Variants in CHRDL2 observed in about 807,000 individuals in gnomAD.
CHRDL2 encodes the protein chordin like 2, also known as chordin-like protein 2.
CHRDL2 carries 41 observed loss-of-function variants against 54.3 expected under a neutral mutation model. That is an observed-to-expected ratio of 0.76 (90% CI 0.59 to 0.98). The LOEUF is 0.98. Among genes scored for constraint, CHRDL2 ranks in the 50% least tolerant of loss-of-function variants. The pLI, the probability that CHRDL2 is intolerant of heterozygous loss-of-function variation, is 0.00. For synonymous variants in CHRDL2, 220 were observed against 224.3 expected (o/e 0.98, Z 0.17); for missense variants, 518 against 562.4 (o/e 0.92, Z 0.80).
intron 9 of CHRDL2, chr11:74,701,335 A>G: frequency 2.5e-6 from 1 of 400,298 alleles, no homozygotes; most frequent in Non-Finnish European, 4.5e-6. Context: ...AAACTGGCAG[A>G]GTTAGGATTC....
Position 74,706,526 on chromosome 11 carries a change from T to A in CHRDL2, c.543A>T (p.Gln181His). Residue 181 changes from glutamine (Q) to histidine (H), a missense_variant, in exon 6 of 11, where the codon CAA becomes CAT. Physicochemically the swap from Gln to His is conservative, Grantham distance 24. Transcript: ENST00000376332. ...ACTGCACACTGTCCTCTTCATCCGA[T>A]TGCTCACTTGCCTCATCTGAAAACT... ...CQACKDEASE[Q>H]SDEEDSVQSL... is the part of the protein sequence containing the mutation. 1 of 1,614,052 alleles carries A rather than the reference T, an allele frequency of 6.2e-7. No individual in the cohort carries two copies. Among genetic ancestry groups the A allele is most frequent in the Non-Finnish European group, 8.5e-7 (1 of 1,179,944 alleles).
intron 9 of CHRDL2, among the ~76,000 whole-genome samples, chr11:74,700,718 A>G (rs10219414): frequency 0.24 from 35,918 of 150,438 alleles, 4,685 homozygotes; most frequent in East Asian, 0.35. Flanking sequence ...AGCTCACTGC[A>G]ACCTCCTGGG....
At chr11:74,718,191 A>G (rs1383053202) in intron 2 of CHRDL2, among the ~76,000 whole-genome samples, 1 of 152,222 alleles carries the variant, frequency 6.6e-6, no homozygotes, top group Non-Finnish European at 1.5e-5. Flanking sequence ...TTGCCTGGTC[A>G]ACAATGATCA....
chr11:74,725,924 A>G (rs1199779691), intron 1 of CHRDL2, among the ~76,000 whole-genome samples: 1 of 152,088 alleles, frequency 6.6e-6, no homozygotes, highest in Non-Finnish European at 1.5e-5. Context: ...CACACAAACA[A>G]ACTTGCTCCC....
chr11:74,704,970 C>T (rs752197503), intron 6 of CHRDL2, among the ~76,000 whole-genome samples: 1 of 152,114 alleles, frequency 6.6e-6, no homozygotes, highest in Non-Finnish European at 1.5e-5. Context: ...ATCTGACAGA[C>T]GTAACTGATC....
chr11:74,721,372 C>T (rs890165038), intron 1 of CHRDL2, among the ~76,000 whole-genome samples: 1 of 152,244 alleles, frequency 6.6e-6, no homozygotes. Context: ...CCCCCTTCAC[C>T]TCACCGCCTG....
intron 1 of CHRDL2, among the ~76,000 whole-genome samples, chr11:74,725,197 T>G (rs1427714441): frequency 6.6e-6 from 1 of 152,144 alleles, no homozygotes. Flanking sequence ...TTCACCATGT[T>G]GGCCAAGATG....
Position 74,702,376 on chromosome 11 carries a change from G to A in CHRDL2, c.1120+418C>T, listed in dbSNP as rs558255757. ...GGTTCTGATGTCCACTTACCTGGGAGTGATAAGATCCACCACCTTAAAAAG... is the reference window on the plus strand; with the variant it reads ...GGTTCTGATGTCCACTTACCTGGGAATGATAAGATCCACCACCTTAAAAAG... On this transcript the variant is annotated intron_variant, in intron 9 of 10. Coordinates refer to ENST00000376332, the MANE Select transcript of CHRDL2 (RefSeq NM_001278473.3). Among the ~76,000 whole-genome samples the A allele has an allele frequency of 2.0e-5, 3 of 152,286 alleles. No individual in the cohort carries two copies. In the East Asian group the frequency reaches 5.8e-4, roughly 29 times the overall value.
chr11:74,710,215 CAAAA>C (rs1180503358), intron 4 of CHRDL2, among the ~76,000 whole-genome samples: 3 of 73,998 alleles, frequency 4.1e-5, no homozygotes, highest in Admixed American at 1.5e-4. Flanking sequence ...GACTCCGTCT[CAAAA>C]AAAAAAAAAA....
Position 74,718,481 on chromosome 11 carries a change from A to G in CHRDL2, c.195+239T>C, listed in dbSNP as rs533709794. Among the ~76,000 whole-genome samples, 201 of 152,300 alleles carry G rather than the reference A, an allele frequency of 1.3e-3. 2 individuals are homozygous for G. Among genetic ancestry groups the G allele is most frequent in the African/African-American group, 4.6e-3 (191 of 41,578 alleles). Reference sequence around the variant, plus strand: ...AAAGAAGGCTGGGATGTGAGATGGGAGACCAGGGCCCTCATCCCAACCCAG... The same window carrying G: ...AAAGAAGGCTGGGATGTGAGATGGGGGACCAGGGCCCTCATCCCAACCCAG... On this transcript the variant is annotated intron_variant, in intron 2 of 10. Transcript: ENST00000376332.
intron 1 of CHRDL2, among the ~76,000 whole-genome samples, chr11:74,719,613 GA>G (rs2034457944): frequency 6.6e-6 from 1 of 152,160 alleles, no homozygotes; most frequent in South Asian, 2.1e-4. Context: ...AGGTTGTTAG[GA>G]AACTGACTTT....
intron 7 of CHRDL2, 147 bp from the exon 8 acceptor site, chr11:74,703,646 GT>G (rs1286239618): frequency 1.6e-6 from 1 of 644,822 alleles, no homozygotes; most frequent in African/African-American, 1.8e-5. Flanking sequence ...ATAGGCCAGG[GT>G]ATAAAACCTG....
intron 1 of CHRDL2, chr11:74,719,134 G>T: frequency 3.3e-6 from 1 of 306,472 alleles, no homozygotes. Context: ...TTATATCATG[G>T]TATCAGCGTT....
chr11:74,720,460 C>G (rs1339611875), intron 1 of CHRDL2: 1 of 153,140 alleles, frequency 6.5e-6, no homozygotes, highest in Non-Finnish European at 1.5e-5. Flanking sequence ...CACCTCATCT[C>G]TCATCTCCTG....
chr11:74,715,483 A>C (rs1008966768), intron 2 of CHRDL2, among the ~76,000 whole-genome samples: 5 of 151,972 alleles, frequency 3.3e-5, no homozygotes, highest in Non-Finnish European at 7.4e-5. Context: ...TGTGCCTGTA[A>C]TCCCAGCTAC....
intron 1 of CHRDL2, among the ~76,000 whole-genome samples, chr11:74,728,453 AAAG>A (rs1160158395): frequency 1.3e-5 from 2 of 152,208 alleles, no homozygotes; most frequent in East Asian, 3.8e-4. Flanking sequence ...AGGCTCAGAT[AAAG>A]AAGTGGTCTG....
chr11:74,706,818 C>G (rs1223820128), intron 5 of CHRDL2, among the ~76,000 whole-genome samples: 1 of 152,188 alleles, frequency 6.6e-6, no homozygotes, highest in Admixed American at 6.5e-5. Flanking sequence ...GGACTGAAGT[C>G]CTTGAAACAG....
intron 1 of CHRDL2, chr11:74,720,419 TC>T (rs2034475639): frequency 6.5e-6 from 1 of 153,726 alleles, no homozygotes; most frequent in Non-Finnish European, 1.5e-5. Context: ...AGCCCAGGAC[TC>T]CCGCCTCCAA....
chr11:74,704,198 CA>C (rs1359009820), intron 7 of CHRDL2, among the ~76,000 whole-genome samples: 1 of 152,210 alleles, frequency 6.6e-6, no homozygotes, highest in Non-Finnish European at 1.5e-5. Flanking sequence ...CTCTTCCCAG[CA>C]AAGACTCGGT....
Sources: gnomAD v4.1 joint callset for allele counts (sites outside exome capture counted in the v4.1 genomes callset) on GRCh38, gnomAD v4.1.1 for gene constraint, MANE v1.5 for transcripts, NCBI Gene and HGNC (gene_info 2026-07-23, HGNC 2026-07-21) for gene names.